Variants in MAGI2 observed in about 807,000 individuals in gnomAD.
The protein encoded by MAGI2 is membrane-associated guanylate kinase, WW and PDZ domain-containing protein 2.
A neutral mutation model predicts 133.3 loss-of-function variants in MAGI2; 35 were observed. The observed-to-expected ratio is 0.26, with a 90% CI of 0.20 to 0.35. MAGI2 has a LOEUF of 0.35. MAGI2 is among the 10% of genes least tolerant of loss of function. The pLI is 1.00. For synonymous variants in MAGI2, 729 were observed against 710.6 expected, an observed-to-expected ratio of 1.03 and a Z score of -0.41; for missense variants, 1,636 against 1,863.4, an observed-to-expected ratio of 0.88 and a Z score of 2.25.
chr7:78,458,101 T>G lies in MAGI2; in HGVS notation c.1045+31660A>C, dbSNP rs562585707. Among the ~76,000 whole-genome samples the G allele has an allele frequency of 9.9e-5, 15 of 151,994 alleles. 1 individual carries two copies. The South Asian group carries it at 2.7e-3, about 27-fold the overall frequency. On this transcript the variant is annotated intron_variant, in intron 6 of 21. Transcript: ENST00000354212. ...TCATGAGGTCAGGAGATCGATACCA[T>G]CCTGGCCAACATGGTGAAACACCGT... is the stretch of plus-strand genomic sequence containing the variant.
chr7:78,085,427 G>T (rs13229666), intron 20 of MAGI2, among the ~76,000 whole-genome samples: 15,226 of 151,998 alleles, frequency 0.1, 1,254 homozygotes, highest in East Asian at 0.44. Context: ...GGAGGCTGAG[G>T]TGGGAGGATC....
At chr7:79,357,239 A>G (rs942243752) in intron 1 of MAGI2, among the ~76,000 whole-genome samples, 1 of 152,152 alleles carries the variant, frequency 6.6e-6, no homozygotes, top group Non-Finnish European at 1.5e-5. Context: ...CCAACACTGT[A>G]CCTCATCAGG....
At chr7:78,564,008 A>G (rs1367972232) in intron 3 of MAGI2, among the ~76,000 whole-genome samples, 1 of 152,228 alleles carries the variant, frequency 6.6e-6, no homozygotes, top group Non-Finnish European at 1.5e-5. Flanking sequence ...TTGCTAACAC[A>G]TATTACACAG....
chr7:78,980,245 G>A (rs1804661663), intron 2 of MAGI2, among the ~76,000 whole-genome samples: 1 of 151,736 alleles, frequency 6.6e-6, no homozygotes, highest in Admixed American at 6.6e-5. Context: ...GTCAGGTAAA[G>A]TGTTTGTACA....
chr7:78,256,861 GA>G (rs1353521631), intron 9 of MAGI2, among the ~76,000 whole-genome samples: 1 of 152,080 alleles, frequency 6.6e-6, no homozygotes, highest in Admixed American at 6.6e-5. Context: ...AAGGTTAGAG[GA>G]ATGTGTACCT....
At chr7:78,541,232 A>AT (rs1467931339) in intron 3 of MAGI2, among the ~76,000 whole-genome samples, 1 of 152,152 alleles carries the variant, frequency 6.6e-6, no homozygotes, top group Non-Finnish European at 1.5e-5. Context: ...ATAAGTCTTA[A>AT]TTTTTTGAAA....
chr7:78,148,965 G>C (rs1351844957), intron 16 of MAGI2, among the ~76,000 whole-genome samples: 3 of 152,140 alleles, frequency 2.0e-5, no homozygotes, highest in South Asian at 2.1e-4. Context: ...ATAATAGGTA[G>C]TATGAAGGGT....
Position 79,437,020 on chromosome 7 carries a change from A to C in MAGI2, c.301+16000T>G, listed in dbSNP as rs115393211. 8.7e-3 allele frequency among the ~76,000 whole-genome samples: 1,329 copies of C among 152,328 alleles called. 13 individuals are homozygous for C. The highest frequency in any genetic ancestry group is 0.031 in the African/African-American group (1,280 of 41,560). Reference sequence around the variant, plus strand: ...CCATGGATTACTATGCAGCCATGAAAATAACACAAAATAATGTTCTCTGCA... The same window carrying C: ...CCATGGATTACTATGCAGCCATGAACATAACACAAAATAATGTTCTCTGCA... On this transcript the variant is annotated intron_variant, in intron 1 of 21. Coordinates refer to ENST00000354212, the MANE Select transcript of MAGI2 (RefSeq NM_012301.4).
intron 2 of MAGI2, among the ~76,000 whole-genome samples, chr7:79,000,850 G>A (rs980172655): frequency 2.0e-5 from 3 of 152,288 alleles, no homozygotes; most frequent in South Asian, 4.1e-4. Flanking sequence ...GTAATTCAGC[G>A]TAACTCAGTG....
At chr7:78,884,315 A>C (rs981005653) in intron 2 of MAGI2, among the ~76,000 whole-genome samples, 2 of 151,986 alleles carry the variant, frequency 1.3e-5, no homozygotes, top group African/African-American at 4.8e-5. Flanking sequence ...CAATCTCTAC[A>C]AAAATAAAAA....
intron 6 of MAGI2, among the ~76,000 whole-genome samples, chr7:78,446,222 A>T (rs1403730911): frequency 6.6e-6 from 1 of 151,996 alleles, no homozygotes; most frequent in Non-Finnish European, 1.5e-5. Context: ...AATGAGATAC[A>T]AGGAAGGAGA....
chr7:78,476,973 A>G (rs1791824305), intron 6 of MAGI2, among the ~76,000 whole-genome samples: 1 of 151,970 alleles, frequency 6.6e-6, no homozygotes, highest in East Asian at 1.9e-4. Flanking sequence ...TCAAAATTAC[A>G]TGTACTGAGA....
intron 1 of MAGI2, among the ~76,000 whole-genome samples, chr7:79,293,028 C>T (rs1836632669): frequency 6.6e-6 from 1 of 152,152 alleles, no homozygotes; most frequent in Non-Finnish European, 1.5e-5. Flanking sequence ...TCCTACAGTG[C>T]TTTCTGTGGG....
At chr7:79,093,150 A>T (rs1817212116) in intron 1 of MAGI2, among the ~76,000 whole-genome samples, 1 of 152,004 alleles carries the variant, frequency 6.6e-6, no homozygotes, top group Non-Finnish European at 1.5e-5. Context: ...GACATAAAAT[A>T]TACAGAGCTG....
intron 2 of MAGI2, among the ~76,000 whole-genome samples, chr7:78,696,682 GA>G (rs113620063): frequency 1.5e-4 from 22 of 144,640 alleles, no homozygotes; most frequent in African/African-American, 4.7e-4. Context: ...GCAAACTGAT[GA>G]AAAAAAAAAG....
chr7:78,975,235 C>G (rs1308008938), intron 2 of MAGI2, among the ~76,000 whole-genome samples: 1 of 151,724 alleles, frequency 6.6e-6, no homozygotes, highest in Non-Finnish European at 1.5e-5. Flanking sequence ...ATATGTTCTT[C>G]TCAAACTCAC....
intron 2 of MAGI2, among the ~76,000 whole-genome samples, chr7:78,796,804 GA>G (rs1375061222): frequency 6.6e-6 from 1 of 152,092 alleles, no homozygotes; most frequent in Non-Finnish European, 1.5e-5. Flanking sequence ...CCATAAAAAA[GA>G]ATGAAATCCT....
intron 1 of MAGI2, among the ~76,000 whole-genome samples, chr7:79,097,527 C>A (rs1319373381): frequency 1.3e-5 from 2 of 152,024 alleles, no homozygotes. Flanking sequence ...GAGTGGGGAA[C>A]CCAGGAAGAC....
At chr7:78,788,862 G>A (rs1224374542) in intron 2 of MAGI2, among the ~76,000 whole-genome samples, 1 of 152,040 alleles carries the variant, frequency 6.6e-6, no homozygotes, top group Non-Finnish European at 1.5e-5. Context: ...TCCCATTACA[G>A]CTGACATAAA....
Sources: allele counts gnomAD v4.1 joint callset (sites outside exome capture counted in the v4.1 genomes callset), GRCh38; gene constraint gnomAD v4.1.1; transcripts MANE v1.5; gene names NCBI Gene and HGNC (gene_info 2026-07-23, HGNC 2026-07-21).